The following UBXN7 variants were observed in gnomAD, a reference collection of about 807,000 sequenced individuals.
UBXN7 encodes UBX domain protein 7.
UBXN7 carries 9 observed loss-of-function variants against 58.0 expected under a neutral mutation model. That is an observed-to-expected ratio of 0.16 (90% CI 0.09 to 0.27). UBXN7 has a LOEUF of 0.27. UBXN7 is among the 10% of genes least tolerant of loss of function. The pLI, the probability that UBXN7 is intolerant of heterozygous loss-of-function variation, is 1.00. For synonymous variants in UBXN7, 208 were observed against 205.0 expected, an observed-to-expected ratio of 1.01 and a Z score of -0.12; for missense variants, 328 against 599.6, an observed-to-expected ratio of 0.55 and a Z score of 4.73.
intron 5 of UBXN7, among the ~76,000 whole-genome samples, chr3:196,385,527 T>C (rs1290029816): frequency 2.7e-5 from 4 of 150,560 alleles, no homozygotes; most frequent in Non-Finnish European, 4.4e-5. Flanking sequence ...GGGGAGTGCC[T>C]CTGCCCCGCC....
intron 5 of UBXN7, among the ~76,000 whole-genome samples, chr3:196,379,131 C>A (rs1311487616): frequency 8.6e-6 from 1 of 116,680 alleles, no homozygotes; most frequent in Non-Finnish European, 1.7e-5. Context: ...CAGCTTCTTT[C>A]CATGTTGGTT....
At chr3:196,406,036 G>T (rs1010463300) in intron 2 of UBXN7, among the ~76,000 whole-genome samples, 3 of 146,354 alleles carry the variant, frequency 2.0e-5, no homozygotes, top group African/African-American at 5.0e-5. Flanking sequence ...TTTGTTTTTT[G>T]TTTTTTTTTT....
Position 196,375,517 on chromosome 3 carries a change from A to G in UBXN7, c.469-3475T>C, listed in dbSNP as rs75860387. Among the ~76,000 whole-genome samples, 109 of 152,306 alleles carry G rather than the reference A, an allele frequency of 7.2e-4. 1 individual carries two copies. The highest frequency in any genetic ancestry group is 2.6e-3 in the African/African-American group (108 of 41,574). On this transcript the variant is annotated intron_variant, in intron 5 of 10. Transcript: ENST00000296328. ...AGAGAGTCTTAAAAATAATCTAAGT[A>G]TACCAATTATGTGAATCAAGGACTG...
intron 5 of UBXN7, among the ~76,000 whole-genome samples, chr3:196,385,927 C>T (rs186454488): frequency 8.4e-4 from 127 of 152,070 alleles, no homozygotes; most frequent in African/African-American, 3.0e-3. Context: ...GTGGTTTTGT[C>T]GAATAGAAGG....
At chr3:196,404,261 G>GTTTT (rs869218456) in intron 2 of UBXN7, among the ~76,000 whole-genome samples, 6 of 129,386 alleles carry the variant, frequency 4.6e-5, no homozygotes, top group South Asian at 2.5e-4. Context: ...AGCCCTAATG[G>GTTTT]TTTTTTTTTT....
intron 2 of UBXN7, among the ~76,000 whole-genome samples, chr3:196,404,421 C>T (rs1730094866): frequency 1.3e-5 from 2 of 152,054 alleles, no homozygotes; most frequent in Admixed American, 1.3e-4. Context: ...CGCCACCACG[C>T]CCGGCTAATT....
intron 1 of UBXN7, among the ~76,000 whole-genome samples, chr3:196,411,680 A>G (rs1266797635): frequency 6.6e-6 from 1 of 152,126 alleles, no homozygotes; most frequent in Non-Finnish European, 1.5e-5. Flanking sequence ...ACGTGGTGGC[A>G]GGCGCCTGTA....
intron 4 of UBXN7, among the ~76,000 whole-genome samples, 194 bp from the exon 5 acceptor site, chr3:196,392,119 G>A (rs184093412): frequency 1.2e-4 from 18 of 152,092 alleles, no homozygotes; most frequent in Admixed American, 7.2e-4. Flanking sequence ...AAGACTTGGT[G>A]GTATTCCCTA....
rs976284120 is a variant in UBXN7 at position 196,391,751 on chromosome 3, A to T, written c.468+62T>A. 96 of 1,299,852 alleles carry T rather than the reference A, an allele frequency of 7.4e-5. 1 individual carries two copies. Among genetic ancestry groups the T allele is most frequent in the South Asian group, 1.5e-4 (12 of 78,756 alleles). 80.5% of individuals were successfully genotyped at this position (1,299,852 alleles called of 1,614,324 possible). ...CTGCTCTAAAACAAGTAATTTTTTAAAAAAAGGCATTGAAAATGCAAAAGG... is the reference window on the plus strand; with the variant it reads ...CTGCTCTAAAACAAGTAATTTTTTATAAAAAGGCATTGAAAATGCAAAAGG... On this transcript the variant is annotated intron_variant, in intron 5 of 10. Transcript: ENST00000296328.
chr3:196,368,190 T>C, intron 7 of UBXN7, 35 bp from the exon 8 acceptor site: 1 of 1,582,226 alleles, frequency 6.3e-7, no homozygotes, highest in South Asian at 1.2e-5. Context: ...TAAATAAATA[T>C]AATATCTAGA....
Position 196,400,825 on chromosome 3 carries a change from T to C in UBXN7, c.289+2127A>G, listed in dbSNP as rs560765391. On this transcript the variant is annotated intron_variant, in intron 3 of 10. Transcript: ENST00000296328. ...AAAAGCAATACAGCACAGAATTTAC[T>C]TCCTATAGTCCTACAAAGACGCTGT... 29 of 260,884 alleles carry C rather than the reference T, an allele frequency of 1.1e-4. No individual in the cohort carries two copies. The East Asian group carries it at 2.4e-3, about 22-fold the overall frequency. The allele number at this position is 260,884 out of a possible 1,614,324, so 16.2% of individuals were successfully genotyped here.
In UBXN7 at chr3:196,353,107, TG is replaced by T. The variant is rs1003050850; in HGVS notation, c.*3577del. 1 of 152,162 alleles carries T rather than the reference TG, an allele frequency of 6.6e-6. No individual in the cohort carries two copies. The highest frequency in any genetic ancestry group is 1.5e-5 in the Non-Finnish European group (1 of 68,032). The allele number at this position is 152,162 out of a possible 1,614,324, so 9.4% of individuals were successfully genotyped here. A position where few individuals can be genotyped will look rare whatever the true frequency, so the allele number is the denominator to read the frequency against. On this transcript the variant is annotated 3_prime_UTR_variant, in exon 11 of 11. Transcript: ENST00000296328. The stretch of plus-strand genomic sequence containing the variant: ...AACCCAACTACTTCCTCTATATTTA[TG>T]GGAACAAAACTAAGTGACACTTTAC...
At chr3:196,398,757 G>C (rs1462837135) in intron 3 of UBXN7, among the ~76,000 whole-genome samples, 2 of 152,062 alleles carry the variant, frequency 1.3e-5, no homozygotes, top group African/African-American at 4.8e-5. Context: ...TCGGCCTCCT[G>C]AGTAGCTGGG....
rs1024334103 is a variant in UBXN7 at position 196,362,068 on chromosome 3, A to G, written c.1229-145T>C. On this transcript the variant is annotated intron_variant, in intron 9 of 10. Coordinates refer to ENST00000296328, the MANE Select transcript of UBXN7 (RefSeq NM_015562.2). ...GAGTGCAGTGGCGTGATCTCAGCTC[A>G]CTGCAACCTCCGCCTCCCTGGTTCA... 7.0e-6 allele frequency: 7 copies of G among 994,166 alleles called. No individual in the cohort carries two copies. The African/African-American group carries it at 1.1e-4, about 16-fold the overall frequency. The allele number at this position is 994,166 out of a possible 1,614,324, so 61.6% of individuals were successfully genotyped here.
At chr3:196,383,102 C>A (rs1374913864) in intron 5 of UBXN7, among the ~76,000 whole-genome samples, 2 of 143,336 alleles carry the variant, frequency 1.4e-5, no homozygotes, top group Non-Finnish European at 3.0e-5. Context: ...GGCCACAAAG[C>A]AAGACTCCAT....
chr3:196,422,543 ACT>A (rs1050930254), intron 1 of UBXN7, among the ~76,000 whole-genome samples: 3 of 151,808 alleles, frequency 2.0e-5, no homozygotes, highest in African/African-American at 7.2e-5. Flanking sequence ...AACAACTGGA[ACT>A]CTCTTTTATT....
intron 5 of UBXN7, among the ~76,000 whole-genome samples, chr3:196,383,975 C>T (rs1729293975): frequency 6.6e-6 from 1 of 152,044 alleles, no homozygotes; most frequent in African/African-American, 2.4e-5. Context: ...GAGATAGAGA[C>T]ATAAAAAACC....
intron 1 of UBXN7, among the ~76,000 whole-genome samples, chr3:196,408,477 T>C (rs946831496): frequency 2.0e-5 from 3 of 152,204 alleles, no homozygotes; most frequent in African/African-American, 2.4e-5. Flanking sequence ...TATTGAAAAG[T>C]TGGAAATAAC....
rs527464022 is a variant in UBXN7 at position 196,362,140 on chromosome 3, C to T, written c.1228+154G>A. Among the ~76,000 whole-genome samples the T allele has an allele frequency of 5.3e-5, 8 of 152,292 alleles. No individual in the cohort carries two copies. The East Asian group carries it at 7.7e-4, about 15-fold the overall frequency. Reference sequence around the variant, plus strand: ...TCCCAAGTAGCTGGGACTATAGGCACGTGCCACCACACCTGGCTAAGTTTT... The same window carrying T: ...TCCCAAGTAGCTGGGACTATAGGCATGTGCCACCACACCTGGCTAAGTTTT... On this transcript the variant is annotated intron_variant, in intron 9 of 10. Coordinates refer to ENST00000296328, the MANE Select transcript of UBXN7 (RefSeq NM_015562.2).
Sources: allele counts gnomAD v4.1 joint callset (sites outside exome capture counted in the v4.1 genomes callset), GRCh38; gene constraint gnomAD v4.1.1; transcripts MANE v1.5; gene names NCBI Gene and HGNC (gene_info 2026-07-23, HGNC 2026-07-21).